ZYG11B: variants seen among roughly 807,000 people sequenced by gnomAD.
ZYG11B encodes the protein protein zyg-11 homolog B.
In ZYG11B, 36 loss-of-function variants were observed where a neutral mutation model predicts 82.4. That is an observed-to-expected ratio of 0.44 (90% CI 0.33 to 0.58). ZYG11B has a LOEUF of 0.58. Ranked by LOEUF, ZYG11B falls within the 20% of genes least tolerant of loss-of-function variation. The probability of loss-of-function intolerance (pLI) is 0.02; values close to 1 mark genes in which losing one functional copy is unlikely to be tolerated. For synonymous variants in ZYG11B, 303 were observed against 312.8 expected, an observed-to-expected ratio of 0.97 and a Z score of 0.33; for missense variants, 552 against 895.6, an observed-to-expected ratio of 0.62 and a Z score of 4.90.
chr1:52,757,606 CAG>C (rs1370474825), intron 2 of ZYG11B, among the ~76,000 whole-genome samples: 3 of 151,986 alleles, frequency 2.0e-5, no homozygotes, highest in Non-Finnish European at 2.9e-5. Context: ...ACCCAGGAGA[CAG>C]AGGTTGCAGT....
At chr1:52,738,677 C>T (rs1356875780) in intron 1 of ZYG11B, among the ~76,000 whole-genome samples, 5 of 149,514 alleles carry the variant, frequency 3.3e-5, no homozygotes, top group Non-Finnish European at 7.4e-5. Context: ...GATCTTGGCT[C>T]ACCGCAACCA....
At chr1:52,796,628 T>C (rs1018625401) in intron 7 of ZYG11B, 106 bp from the exon 8 acceptor site, 4 of 1,046,900 alleles carry the variant, frequency 3.8e-6, no homozygotes, top group African/African-American at 1.6e-5. Context: ...GAATTCCAAG[T>C]TGATCAGAGA....
chr1:52,772,576 A>C (rs1242659811), intron 3 of ZYG11B: 9 of 1,589,890 alleles, frequency 5.7e-6, no homozygotes, highest in Non-Finnish European at 7.8e-6. Flanking sequence ...AACTTCAACC[A>C]AGTGGGGAAG....
chr1:52,741,994 C>A (rs1644434853), intron 1 of ZYG11B, among the ~76,000 whole-genome samples: 1 of 152,140 alleles, frequency 6.6e-6, no homozygotes, highest in Non-Finnish European at 1.5e-5. Flanking sequence ...CTATTTCTAT[C>A]ATTAAATTGT....
At chr1:52,808,735 A>G (rs1296412654) in intron 10 of ZYG11B, among the ~76,000 whole-genome samples, 2 of 152,258 alleles carry the variant, frequency 1.3e-5, no homozygotes, top group Admixed American at 6.5e-5. Flanking sequence ...TAATTTGCAC[A>G]TGTTAAGCTG....
rs781158120 is a variant in ZYG11B, at chr1:52,790,054, G to A, written c.1321G>A (p.Val441Ile). ...TTGCAGTGACCGGATCCTTCAAGAT[G>A]TTCCATTTAACAGGCAAGTGATAGC... ...SLCSDRILQD[V>I]PFNRFEAAKL... The change falls in exon 6 of 14, where the codon GTT becomes ATT. Residue 441 changes from valine to isoleucine, a missense_variant. Val to Ile is a conservative substitution (Grantham distance 29). Around this residue, in one of 3 missense-constraint regions of ZYG11B, gnomAD observed 359 missense variants for 555.8 expected, o/e 0.65. Transcript: ENST00000294353. 7 of 1,592,600 alleles carry A rather than the reference G, an allele frequency of 4.4e-6. No homozygotes were observed. Among genetic ancestry groups the A allele is most frequent in the South Asian group, 3.5e-5 (3 of 85,688 alleles).
Position 52,801,919 on chromosome 1 carries a change from C to T in ZYG11B, c.1586C>T (p.Pro529Leu). ...CTTTGGAACCTCACAGATGAATCTC[C>T]AACCACTTGTAGACACTTTATTGAA... ...SALWNLTDES[P>L]TTCRHFIENQ... Residue 529 changes from proline (P) to leucine (L), a missense_variant, in exon 9 of 14, where the codon CCA becomes CTA. Around this residue, in one of 3 missense-constraint regions of ZYG11B, gnomAD observed 66 missense variants for 176.4 expected, o/e 0.37. Coordinates refer to ENST00000294353, the MANE Select transcript of ZYG11B (RefSeq NM_024646.3). 6.2e-7 allele frequency: 1 copy of T among 1,613,242 alleles called. No homozygotes were observed. The highest frequency in any genetic ancestry group is 8.5e-7 in the Non-Finnish European group (1 of 1,179,662).
chr1:52,792,775 T>C (rs1208791905), intron 6 of ZYG11B, among the ~76,000 whole-genome samples: 1 of 152,218 alleles, frequency 6.6e-6, no homozygotes, highest in Non-Finnish European at 1.5e-5. Flanking sequence ...CTGTACTAAG[T>C]CTTAAGCTTC....
intron 2 of ZYG11B, among the ~76,000 whole-genome samples, chr1:52,767,652 C>T (rs1328997511): frequency 1.3e-5 from 2 of 152,162 alleles, no homozygotes; most frequent in Non-Finnish European, 2.9e-5. Flanking sequence ...TCTCTTGACA[C>T]CCAAGGTGCA....
chr1:52,800,574 CG>C (rs1421180564), intron 8 of ZYG11B, among the ~76,000 whole-genome samples: 11 of 151,402 alleles, frequency 7.3e-5, no homozygotes, highest in Admixed American at 1.3e-4. Context: ...TTTGGGAGGC[CG>C]GGGTGGGTGG....
chr1:52,811,378 C>T (rs1357565686), intron 10 of ZYG11B, among the ~76,000 whole-genome samples: 2 of 152,142 alleles, frequency 1.3e-5, no homozygotes, highest in East Asian at 1.9e-4. Flanking sequence ...TTAGACTTCT[C>T]GACATTATCC....
At chr1:52,813,289 C>A (rs1022121918) in intron 10 of ZYG11B, among the ~76,000 whole-genome samples, 1 of 152,140 alleles carries the variant, frequency 6.6e-6, no homozygotes, top group South Asian at 2.1e-4. Context: ...GCACTCTGTT[C>A]TACAGAGTTT....
In ZYG11B at chr1:52,823,910, C is replaced by G. The variant is rs918833465; in HGVS notation, c.*2281C>G. 1 of 152,182 alleles carries G rather than the reference C, an allele frequency of 6.6e-6. No homozygotes were observed. The highest frequency in any genetic ancestry group is 6.5e-5 in the Admixed American group (1 of 15,276). 9.4% of individuals were successfully genotyped at this position (152,182 alleles called of 1,614,324 possible). A position where few individuals can be genotyped will look rare whatever the true frequency, so the allele number is the denominator to read the frequency against. Reference sequence around the variant, plus strand: ...TTCTGGGAGGCCGAGGCGGGCAGATCACTTGAGATCAGGAGTTCGAGACCA... The same window carrying G: ...TTCTGGGAGGCCGAGGCGGGCAGATGACTTGAGATCAGGAGTTCGAGACCA... On this transcript the variant is annotated 3_prime_UTR_variant, in exon 14 of 14. Coordinates refer to ENST00000294353, the MANE Select transcript of ZYG11B (RefSeq NM_024646.3).
intron 2 of ZYG11B, among the ~76,000 whole-genome samples, chr1:52,758,114 G>A (rs570460981): frequency 6.7e-5 from 10 of 150,132 alleles, no homozygotes; most frequent in African/African-American, 9.8e-5. Flanking sequence ...CAGGAGAATC[G>A]CTTGAATCCA....
intron 2 of ZYG11B, among the ~76,000 whole-genome samples, chr1:52,761,234 G>A (rs1255267915): frequency 6.6e-6 from 1 of 152,100 alleles, no homozygotes; most frequent in Non-Finnish European, 1.5e-5. Context: ...TTGAAACTAT[G>A]AATTATTGTT....
At chr1:52,772,590 CGTCGATAGG>C in intron 3 of ZYG11B, 1 of 1,513,182 alleles carries the variant, frequency 6.6e-7, no homozygotes, top group South Asian at 1.1e-5. Context: ...GGGGAAGCTG[CGTCGATAGG>C]GTAAAGCCGA....
chr1:52,795,812 A>G (rs1645001928), intron 6 of ZYG11B, among the ~76,000 whole-genome samples: 1 of 152,158 alleles, frequency 6.6e-6, no homozygotes, highest in Non-Finnish European at 1.5e-5. Flanking sequence ...CCTCACTAGA[A>G]TGTAAGCTCT....
At chr1:52,807,353 A>G (rs1015426898) in intron 10 of ZYG11B, among the ~76,000 whole-genome samples, 1 of 152,116 alleles carries the variant, frequency 6.6e-6, no homozygotes, top group Non-Finnish European at 1.5e-5. Flanking sequence ...AATCAAGCTA[A>G]TTAACATATC....
chr1:52,763,098 G>T (rs974051938), intron 2 of ZYG11B, among the ~76,000 whole-genome samples: 5 of 151,792 alleles, frequency 3.3e-5, no homozygotes, highest in African/African-American at 1.2e-4. Flanking sequence ...AAAATCAGTT[G>T]ATCGTAGATA....
Sources: allele counts gnomAD v4.1 joint callset (sites outside exome capture counted in the v4.1 genomes callset), GRCh38; gene constraint gnomAD v4.1.1; regional missense constraint gnomAD v4.1.1; transcripts MANE v1.5; gene names NCBI Gene and HGNC (gene_info 2026-07-23, HGNC 2026-07-21).